DENND3: variants seen among roughly 807,000 people sequenced by gnomAD.
DENND3 encodes the protein DENN domain containing 3, also known as DENN domain-containing protein 3.
In DENND3, 88 loss-of-function variants were observed where a neutral mutation model predicts 135.1. The observed-to-expected ratio is 0.65, with a 90% confidence interval of 0.55 to 0.78. The LOEUF (loss-of-function observed/expected upper bound fraction) is 0.78, where lower values mean the gene tolerates loss of function less well. Among genes scored for constraint, DENND3 ranks in the 30% least tolerant of loss-of-function variants. The pLI is 0.00. For missense variants in DENND3, 1,392 were observed against 1,688.4 expected, an observed-to-expected ratio of 0.82 and a Z score of 3.08; for synonymous variants, 693 against 712.3, an observed-to-expected ratio of 0.97 and a Z score of 0.43.
chr8:141,178,078 C>G lies in DENND3; in HGVS notation c.2718C>G (p.Tyr906Ter). 1 of 1,606,564 alleles carries G rather than the reference C, an allele frequency of 6.2e-7. No individual in the cohort carries two copies. The highest frequency in any genetic ancestry group is 8.5e-7 in the Non-Finnish European group (1 of 1,173,920). ...KLADDHKDPH[Y>*]VQQALTNVLL... ...TGTTTCTGTTGTAGGACCCTCACTA[C>G]GTCCAGCAGGCGCTGACCAACGTCT... The change falls in exon 16 of 23, where the codon TAC becomes TAG. Residue 906 changes from tyrosine to a stop codon, truncating the protein, a stop_gained. Coordinates refer to ENST00000519811, the MANE Select transcript of DENND3 (RefSeq NM_001352890.3). LOFTEE classifies it high-confidence loss of function.
intron 20 of DENND3, chr8:141,192,121 CT>C (rs1407529238): frequency 1.3e-5 from 7 of 525,984 alleles, no homozygotes; most frequent in Non-Finnish European, 2.3e-5. Context: ...TTTACGTTTT[CT>C]GGTGAGCCTC....
chr8:141,141,078 C>G lies in DENND3; in HGVS notation c.502-125C>G, dbSNP rs749660321. On this transcript the variant is annotated intron_variant, in intron 3 of 22. Coordinates refer to ENST00000519811, the MANE Select transcript of DENND3 (RefSeq NM_001352890.3). This position sits in a 1 kb window ranked among gnomAD's most constrained non-coding sequence, Gnocchi z 5.3. ...ACCGGAGGGCCGGTGCTGGCTTGGA[C>G]GCGTTGCAGGGGTGGGGATGGTGGA... is the stretch of plus-strand genomic sequence containing the variant. The G allele has an allele frequency of 2.8e-6, 4 of 1,446,838 alleles. No homozygotes were observed. Among genetic ancestry groups the G allele is most frequent in the Non-Finnish European group, 2.9e-6 (3 of 1,051,904 alleles). 89.6% of individuals were successfully genotyped at this position (1,446,838 alleles called of 1,614,324 possible). A position where few individuals can be genotyped will look rare whatever the true frequency, so the allele number is the denominator to read the frequency against.
At chr8:141,140,340 AG>A (rs1218378371) in intron 3 of DENND3, among the ~76,000 whole-genome samples, 1 of 152,244 alleles carries the variant, frequency 6.6e-6, no homozygotes, top group Non-Finnish European at 1.5e-5. Context: ...CTACTGTAAC[AG>A]TAGCAGCAGC....
chr8:141,157,434 A>G, intron 8 of DENND3: 1 of 985,504 alleles, frequency 1.0e-6, no homozygotes, highest in Non-Finnish European at 1.2e-6. Context: ...CCTGCTCTTG[A>G]GTCCTCACAA....
Position 141,166,083 on chromosome 8 carries a change from A to G in DENND3, c.1554-107A>G. 1 of 1,130,256 alleles carries G rather than the reference A, an allele frequency of 8.8e-7. No individual in the cohort carries two copies. Among genetic ancestry groups the G allele is most frequent in the Non-Finnish European group, 1.3e-6 (1 of 764,688 alleles). 70.0% of individuals were successfully genotyped at this position (1,130,256 alleles called of 1,614,324 possible). A position where few individuals can be genotyped will look rare whatever the true frequency, so the allele number is the denominator to read the frequency against. On this transcript the variant is annotated intron_variant, in intron 11 of 22. Transcript: ENST00000519811. The surrounding 1 kb of genome is among the most constrained non-coding windows in gnomAD (Gnocchi z 4.3). ...ACCAGTCTGTTTTCCACTGGTGTCC[A>G]AGAGTGTCATGTGCTCTTCATCACA...
At chr8:141,165,115 G>T in intron 10 of DENND3, 71 bp from the exon 11 acceptor site, 1 of 1,183,278 alleles carries the variant, frequency 8.5e-7, no homozygotes, top group Non-Finnish European at 1.3e-6. Context: ...TGCCAGGAAG[G>T]CTCAGGGGCT....
intron 5 of DENND3, among the ~76,000 whole-genome samples, chr8:141,145,830 TATATATATATATA>T (rs1818005288): frequency 6.9e-5 from 6 of 86,918 alleles, no homozygotes; most frequent in African/African-American, 4.3e-4. Context: ...TATATATATA[TATATATATATATA>T]TATATATGTA....
chr8:141,164,498 C>T (rs1820521761), intron 10 of DENND3, among the ~76,000 whole-genome samples: 1 of 152,204 alleles, frequency 6.6e-6, no homozygotes, highest in Non-Finnish European at 1.5e-5. Context: ...CCCCGGGTGT[C>T]TCCTGAATGG....
chr8:141,155,543 A>G lies in DENND3; in HGVS notation c.1075-306A>G, dbSNP rs1412261549. On this transcript the variant is annotated intron_variant, in intron 7 of 22. Coordinates refer to ENST00000519811, the MANE Select transcript of DENND3 (RefSeq NM_001352890.3). ...CTCAGCCTCCCAAGTAGCTGGGACC[A>G]TAGGCATGTGCTACCACACCTGGCT... is the stretch of plus-strand genomic sequence containing the variant. Among the ~76,000 whole-genome samples, 3 of 152,014 alleles carry G rather than the reference A, an allele frequency of 2.0e-5. No homozygotes were observed. The East Asian group carries it at 5.8e-4, about 29-fold the overall frequency.
At position 141,137,971 on chromosome 8, in the gene DENND3, C is replaced by T; in HGVS notation, c.386-51C>T. On this transcript the variant is annotated intron_variant, in intron 2 of 22. Transcript: ENST00000519811. The surrounding 1 kb of genome is among the most constrained non-coding windows in gnomAD (Gnocchi z 4.1). ...GTGAAGAAATCAGCTCGTGGGTAACCCAGGCCACTTGGCAAGAACAGGATT... is the reference window on the plus strand; with the variant it reads ...GTGAAGAAATCAGCTCGTGGGTAACTCAGGCCACTTGGCAAGAACAGGATT... 4.5e-6 allele frequency: 7 copies of T among 1,547,140 alleles called. No homozygotes were observed. Among genetic ancestry groups the T allele is most frequent in the Non-Finnish European group, 6.1e-6 (7 of 1,142,222 alleles).
chr8:141,185,952 T>C (rs2154613489), intron 18 of DENND3, among the ~76,000 whole-genome samples: 1 of 152,018 alleles, frequency 6.6e-6, no homozygotes, highest in East Asian at 1.9e-4. Context: ...CTTCTTTTTT[T>C]TCTTTTTTGA....
chr8:141,156,766 G>A (rs1212396321), intron 8 of DENND3, among the ~76,000 whole-genome samples: 1 of 150,662 alleles, frequency 6.6e-6, no homozygotes, highest in East Asian at 1.9e-4. Context: ...CACTGTATTG[G>A]CACTTTATCT....
chr8:141,167,963 G>C lies in DENND3; in HGVS notation c.1754-41G>C, dbSNP rs372652205. The C allele has an allele frequency of 5.1e-6, 8 of 1,568,670 alleles. No homozygotes were observed. The African/African-American group carries it at 9.5e-5, about 19-fold the overall frequency. ...GACAGGGACACGTGTTCATTTGGAA[G>C]GTCTGTGCTAATGGTCTCCTTTTCC... On this transcript the variant is annotated intron_variant, in intron 12 of 22. Coordinates refer to ENST00000519811, the MANE Select transcript of DENND3 (RefSeq NM_001352890.3). The surrounding 1 kb of genome is among the most constrained non-coding windows in gnomAD (Gnocchi z 4.1).
At chr8:141,171,160 T>C (rs1821503693) in intron 13 of DENND3, among the ~76,000 whole-genome samples, 1 of 152,146 alleles carries the variant, frequency 6.6e-6, no homozygotes, top group Non-Finnish European at 1.5e-5. Context: ...GTTACCAATG[T>C]AAAGCAGCAC....
chr8:141,192,683 A>C lies in DENND3; in HGVS notation c.3636+20A>C. 1.2e-6 allele frequency: 2 copies of C among 1,605,250 alleles called. No individual in the cohort carries two copies. The highest frequency in any genetic ancestry group is 1.3e-5 in the African/African-American group (1 of 74,914). On this transcript the variant is annotated intron_variant, in intron 22 of 22. Transcript: ENST00000519811. ...AAGCAGGTAGGGTGGAGGGCCCGCC[A>C]TCCCCAGCATCCCCGGCAGGTCTCG...
chr8:141,163,844 G>T (rs1218573057), intron 10 of DENND3, among the ~76,000 whole-genome samples: 2 of 148,978 alleles, frequency 1.3e-5, no homozygotes, highest in Non-Finnish European at 3.0e-5. Flanking sequence ...GGGGGTGGAG[G>T]TTGCTGTGAG....
In DENND3 at chr8:141,130,873, G is replaced by C. The variant is rs1304943191; in HGVS notation, c.102+2064G>C. Among the ~76,000 whole-genome samples the C allele has an allele frequency of 1.3e-5, 2 of 152,086 alleles. No individual in the cohort carries two copies. Among genetic ancestry groups the C allele is most frequent in the East Asian group, 1.9e-4 (1 of 5,188 alleles). ...AGCTAATTTTTGTATTTTTAGTAGA[G>C]ACAGGGTTTCACCACGTTGGTCAGG... On this transcript the variant is annotated intron_variant, in intron 1 of 22. Transcript: ENST00000519811. This position sits in a 1 kb window ranked among gnomAD's most constrained non-coding sequence, Gnocchi z 4.2.
intron 8 of DENND3, among the ~76,000 whole-genome samples, chr8:141,159,888 C>T (rs1819915598): frequency 6.6e-6 from 1 of 152,284 alleles, no homozygotes; most frequent in Non-Finnish European, 1.5e-5. Flanking sequence ...AGTGGTGACA[C>T]CCGGGACGTT....
chr8:141,165,122 G>A (rs1193392056), intron 10 of DENND3, 64 bp from the exon 11 acceptor site: 10 of 1,285,640 alleles, frequency 7.8e-6, no homozygotes, highest in East Asian at 2.3e-5. Flanking sequence ...AAGGCTCAGG[G>A]GCTTTGGAGC....
Sources: allele counts gnomAD v4.1 joint callset (sites outside exome capture counted in the v4.1 genomes callset), GRCh38; gene constraint gnomAD v4.1.1; non-coding constraint Gnocchi (gnomAD v3.1); transcripts MANE v1.5; gene names NCBI Gene and HGNC (gene_info 2026-07-23, HGNC 2026-07-21).